The following ZNF808 variants were observed in gnomAD, a reference collection of about 807,000 sequenced individuals.
The protein encoded by ZNF808 is zinc finger protein 808.
In ZNF808, 5 loss-of-function variants were observed where a neutral mutation model predicts 8.7. The ratio of observed to expected loss-of-function variants is 0.58; its 90% CI spans 0.30 to 1.21. The LOEUF is 1.21. Among genes scored for constraint, ZNF808 ranks in the 50% most tolerant of loss-of-function variants. ZNF808 has a pLI of 0.07. For missense variants in ZNF808, 1,103 were observed against 1,098.4 expected (o/e 1.00, Z -0.06); for synonymous variants, 380 against 366.0 (o/e 1.04, Z -0.44).
chr19:52,555,817 C>G lies in ZNF808; in HGVS notation c.*189C>G. The G allele has an allele frequency of 1.1e-6, 1 of 895,178 alleles. No homozygotes were observed. Among genetic ancestry groups the G allele is most frequent in the East Asian group, 2.6e-5 (1 of 37,978 alleles). 55.5% of individuals were successfully genotyped at this position (895,178 alleles called of 1,614,324 possible). ...ACAAATGTCATGATTGAGGCAAGGTCTTCAGTCAAGCTTCATCCTATGCAA... is the reference window on the plus strand; with the variant it reads ...ACAAATGTCATGATTGAGGCAAGGTGTTCAGTCAAGCTTCATCCTATGCAA... On this transcript the variant is annotated 3_prime_UTR_variant, in exon 5 of 5. Coordinates refer to ENST00000359798, the MANE Select transcript of ZNF808 (RefSeq NM_001039886.4).
At position 52,532,930 on chromosome 19, in the gene ZNF808, GA is replaced by G; in HGVS notation, c.-94del. ...TAGATATCTCTTCCAAATGCTTGATGAAAAAGGTGGAAGGGTCACTTGACCC... is the reference window on the plus strand; with the variant it reads ...TAGATATCTCTTCCAAATGCTTGATGAAAAGGTGGAAGGGTCACTTGACCC... On this transcript the variant is annotated 5_prime_UTR_variant, in exon 2 of 5. It removes the in-frame stop codon of an upstream open reading frame in the 5' UTR. Coordinates refer to ENST00000359798, the MANE Select transcript of ZNF808 (RefSeq NM_001039886.4). 1 of 169,318 alleles carries G rather than the reference GA, an allele frequency of 5.9e-6. No individual in the cohort carries two copies. The highest frequency in any genetic ancestry group is 1.3e-5 in the Non-Finnish European group (1 of 77,306). 10.5% of individuals were successfully genotyped at this position (169,318 alleles called of 1,614,324 possible). A position where few individuals can be genotyped will look rare whatever the true frequency, so the allele number is the denominator to read the frequency against.
At position 52,555,110 on chromosome 19, in the gene ZNF808, G is replaced by A. The variant is rs2059822337; in HGVS notation, c.2194G>A (p.Glu732Lys). The A allele has an allele frequency of 6.2e-7, 1 of 1,613,966 alleles. No individual in the cohort carries two copies. Among genetic ancestry groups the A allele is most frequent in the Admixed American group, 1.7e-5 (1 of 59,994 alleles). ...ATGCCATCGTAGAATTCATAGTGGT[G>A]AGAAACCTTACAAGTGTAGTGAGTG... is the stretch of plus-strand genomic sequence containing the variant. ...LVCHRRIHSGEKPYKCSECSK... is the reference protein window; with the variant it reads ...LVCHRRIHSGKKPYKCSECSK... The change falls in exon 5 of 5, where the codon GAG becomes AAG. Residue 732 changes from glutamate to lysine, a missense_variant. Physicochemically the swap from Glu to Lys is moderately conservative, Grantham distance 56. Transcript: ENST00000359798.
intron 3 of ZNF808, among the ~76,000 whole-genome samples, chr19:52,547,294 C>G (rs1464430565): frequency 6.6e-6 from 1 of 151,918 alleles, no homozygotes; most frequent in Admixed American, 6.6e-5. Flanking sequence ...TCCATAAAAT[C>G]GAGACTTCCA....
In ZNF808 at chr19:52,547,524, T is replaced by C. The variant is rs1368038014; in HGVS notation, c.76T>C (p.Phe26Leu). 6.2e-6 allele frequency: 10 copies of C among 1,613,844 alleles called. No individual in the cohort carries two copies. The highest frequency in any genetic ancestry group is 8.5e-6 in the Non-Finnish European group (10 of 1,179,964). ...GMALPQGRLT[F>L]RDVAIEFSLA... ...TGTTTCATTTTAGGGACGCTTGACT[T>C]TCAGGGATGTGGCTATAGAATTCTC... The change falls in exon 4 of 5, where the codon TTC (phenylalanine) becomes CTC (leucine). Residue 26 changes from phenylalanine (F) to leucine (L), a missense_variant. Coordinates refer to ENST00000359798, the MANE Select transcript of ZNF808 (RefSeq NM_001039886.4).
chr19:52,551,124 GGTGGATCAC>G (rs2059772428), intron 4 of ZNF808, among the ~76,000 whole-genome samples: 1 of 152,094 alleles, frequency 6.6e-6, no homozygotes, highest in Non-Finnish European at 1.5e-5. Flanking sequence ...GGGCGAGACG[GGTGGATCAC>G]CTGAGGTCAG....
chr19:52,553,852 A>C lies in ZNF808; in HGVS notation c.936A>C (p.Val312=), dbSNP rs187341923. Residue 312 remains valine (V), a synonymous_variant, in exon 5 of 5, where the codon GTA becomes GTC. Transcript: ENST00000359798. ...GCCATCATAGACTTCATACTGGAGT[A>C]AAACCTTACAAGTGTAATGAGTGTG... is the stretch of plus-strand genomic sequence containing the variant. ...LTCHHRLHTG[V]KPYKCNECGK... is the part of the protein sequence containing the mutation. 1 of 1,614,098 alleles carries C rather than the reference A, an allele frequency of 6.2e-7. No homozygotes were observed. Among genetic ancestry groups the C allele is most frequent in the East Asian group, 2.2e-5 (1 of 44,860 alleles).
Position 52,553,109 on chromosome 19 carries a change from A to G in ZNF808, c.193A>G (p.Ile65Val), listed in dbSNP as rs367817012. 437 of 1,543,942 alleles carry G rather than the reference A, an allele frequency of 2.8e-4. No individual in the cohort carries two copies. Among genetic ancestry groups the G allele is most frequent in the East Asian group, 7.4e-4 (33 of 44,406 alleles). ...GTATTGGTGTTTATATTTTGTAGAT[A>G]TCTCTTCCAAACACATGATGAAGGA... is the stretch of plus-strand genomic sequence containing the variant. Reference protein sequence around the residue: ...ENYRNLEAVDISSKHMMKEVL... With the variant: ...ENYRNLEAVDVSSKHMMKEVL... Residue 65 changes from isoleucine to valine, a missense_variant and splice_region_variant, in exon 5 of 5, where the codon ATC becomes GTC. Physicochemically the swap from Ile to Val is conservative, Grantham distance 29. Transcript: ENST00000359798.
chr19:52,528,078 G>A (rs913737561), intron 1 of ZNF808, among the ~76,000 whole-genome samples: 6 of 152,004 alleles, frequency 3.9e-5, no homozygotes, highest in African/African-American at 1.4e-4. Context: ...GGAGCGTCGC[G>A]CCGCAGCCCC....
chr19:52,534,648 G>A (rs1038009668), intron 2 of ZNF808, among the ~76,000 whole-genome samples: 3 of 147,714 alleles, frequency 2.0e-5, no homozygotes, highest in Non-Finnish European at 4.4e-5. Context: ...CCAGCACTTT[G>A]GGAGGCCGAG....
rs772659533 is a variant in ZNF808 at position 52,553,962 on chromosome 19, G to T, written c.1046G>T (p.Gly349Val). ...AAACCTTACAAGTGTAATGAATGTGGCAAGGCTTTTAATCAACAATCACAC... is the reference window on the plus strand; with the variant it reads ...AAACCTTACAAGTGTAATGAATGTGTCAAGGCTTTTAATCAACAATCACAC... Reference protein sequence around the residue: ...GEKPYKCNECGKAFNQQSHLS... With the variant: ...GEKPYKCNECVKAFNQQSHLS... Residue 349 changes from glycine (G) to valine (V), a missense_variant, in exon 5 of 5, where the codon GGC becomes GTC. Physicochemically the swap from Gly to Val is moderately radical, Grantham distance 109. Transcript: ENST00000359798. 1 of 1,613,606 alleles carries T rather than the reference G, an allele frequency of 6.2e-7. No homozygotes were observed. The highest frequency in any genetic ancestry group is 2.2e-5 in the East Asian group (1 of 44,858).
At chr19:52,548,661 G>A (rs1180992917) in intron 4 of ZNF808, among the ~76,000 whole-genome samples, 1 of 152,182 alleles carries the variant, frequency 6.6e-6, no homozygotes, top group African/African-American at 2.4e-5. Context: ...CTGGCCTGAT[G>A]TGATTCAGCT....
downstream of ZNF808, among the ~76,000 whole-genome samples, chr19:52,557,258 C>T (rs1179062823): frequency 3.3e-5 from 5 of 150,606 alleles, no homozygotes; most frequent in South Asian, 4.2e-4. Context: ...CATGAGCCAC[C>T]GTGCCCCGCC....
chr19:52,549,304 A>C (rs576433773), intron 4 of ZNF808, among the ~76,000 whole-genome samples: 1 of 151,952 alleles, frequency 6.6e-6, no homozygotes, highest in East Asian at 1.9e-4. Context: ...ACACATCTCT[A>C]CCTACTGTGC....
downstream of ZNF808, among the ~76,000 whole-genome samples, chr19:52,566,534 G>A (rs1260711983): frequency 2.6e-5 from 4 of 152,170 alleles, no homozygotes; most frequent in East Asian, 1.9e-4. Context: ...AATTTAAAAC[G>A]CAAATAATAG....
intron 2 of ZNF808, chr19:52,535,965 C>G (rs1445037479): frequency 6.5e-6 from 1 of 153,190 alleles, no homozygotes; most frequent in Admixed American, 6.5e-5. Flanking sequence ...AACTGTTCGC[C>G]GGCCCCGCCC....
At chr19:52,534,808 C>T (rs1473767311) in intron 2 of ZNF808, among the ~76,000 whole-genome samples, 4 of 152,076 alleles carry the variant, frequency 2.6e-5, no homozygotes, top group South Asian at 4.2e-4. Flanking sequence ...AGAATAGCTT[C>T]AACCCAGGAG....
chr19:52,563,139 A>T (rs1223688636), intron 3 of ZNF808, among the ~76,000 whole-genome samples: 1 of 152,152 alleles, frequency 6.6e-6, no homozygotes, highest in Non-Finnish European at 1.5e-5. Context: ...GAAGGTAGTG[A>T]TCTTAAATGT....
chr19:52,531,794 A>G (rs1343290651), intron 1 of ZNF808, among the ~76,000 whole-genome samples: 1 of 152,196 alleles, frequency 6.6e-6, no homozygotes, highest in Non-Finnish European at 1.5e-5. Context: ...CAATGAATAT[A>G]TATAAAATTG....
At chr19:52,558,235 G>A (rs866680695), downstream of ZNF808, among the ~76,000 whole-genome samples, 69 of 151,222 alleles carry the variant, frequency 4.6e-4, no homozygotes, top group African/African-American at 1.6e-3. Flanking sequence ...ACAGGCGCCC[G>A]CCACCGCGCC....
Sources: allele counts gnomAD v4.1 joint callset (sites outside exome capture counted in the v4.1 genomes callset), GRCh38; gene constraint gnomAD v4.1.1; transcripts MANE v1.5; gene names NCBI Gene and HGNC (gene_info 2026-07-23, HGNC 2026-07-21).